KCND2: variants seen among roughly 807,000 people sequenced by gnomAD.
KCND2 encodes the protein potassium voltage-gated channel subfamily D member 2.
A neutral mutation model predicts 54.4 loss-of-function variants in KCND2; 16 were observed. The observed-to-expected ratio is 0.29, with a 90% CI of 0.20 to 0.45. The LOEUF (loss-of-function observed/expected upper bound fraction) is 0.45, where lower values mean the gene tolerates loss of function less well. Among genes scored for constraint, KCND2 ranks in the 20% least tolerant of loss-of-function variants. KCND2 has a pLI of 1.00. For synonymous variants in KCND2, 317 were observed against 310.7 expected (o/e 1.02, Z -0.21); for missense variants, 486 against 824.2 (o/e 0.59, Z 5.02).
intron 1 of KCND2, among the ~76,000 whole-genome samples, chr7:120,641,165 C>G (rs1007224532): frequency 6.6e-6 from 1 of 152,046 alleles, no homozygotes. Context: ...TCACTTAAGC[C>G]AGCTGCTTAG....
At chr7:120,539,980 G>A (rs1157467368) in intron 1 of KCND2, among the ~76,000 whole-genome samples, 3 of 152,102 alleles carry the variant, frequency 2.0e-5, no homozygotes, top group Non-Finnish European at 4.4e-5. Flanking sequence ...GAGACGAAGA[G>A]GGCTTAAAAT....
chr7:120,532,861 G>T (rs934694977), intron 1 of KCND2, among the ~76,000 whole-genome samples: 2 of 152,006 alleles, frequency 1.3e-5, no homozygotes, highest in African/African-American at 4.8e-5. Context: ...AATATAAAAT[G>T]AAGATATAAG....
intron 1 of KCND2, among the ~76,000 whole-genome samples, chr7:120,425,150 GTTTATA>G (rs1306220184): frequency 6.6e-6 from 1 of 151,886 alleles, no homozygotes; most frequent in African/African-American, 2.4e-5. Flanking sequence ...TCACTGCTAT[GTTTATA>G]TTTATATAAC....
At chr7:120,394,253 A>C (rs1175051277) in intron 1 of KCND2, among the ~76,000 whole-genome samples, 1 of 151,940 alleles carries the variant, frequency 6.6e-6, no homozygotes. Context: ...GGTGGGTAGA[A>C]AACTAGGAAA....
At chr7:120,685,613 T>C (rs1792192623) in intron 1 of KCND2, among the ~76,000 whole-genome samples, 1 of 152,192 alleles carries the variant, frequency 6.6e-6, no homozygotes, top group South Asian at 2.1e-4. Context: ...CTGGCTTTCT[T>C]CAGAATGGCG....
At chr7:120,573,251 C>CT (rs1554369601) in intron 1 of KCND2, among the ~76,000 whole-genome samples, 1 of 151,970 alleles carries the variant, frequency 6.6e-6, no homozygotes, top group Non-Finnish European at 1.5e-5. Context: ...TTACTTTTTT[C>CT]TTTTTTGTGT....
chr7:120,680,591 G>A (rs1308410147), intron 1 of KCND2, among the ~76,000 whole-genome samples: 3 of 152,068 alleles, frequency 2.0e-5, no homozygotes, highest in Non-Finnish European at 2.9e-5. Context: ...CCAGCCACCC[G>A]ATGCATATTG....
chr7:120,459,957 G>A (rs1802260791), intron 1 of KCND2, among the ~76,000 whole-genome samples: 1 of 152,252 alleles, frequency 6.6e-6, no homozygotes, highest in Non-Finnish European at 1.5e-5. Flanking sequence ...AGTGCATCTT[G>A]TACTTGTTTC....
intron 1 of KCND2, among the ~76,000 whole-genome samples, chr7:120,281,060 A>G (rs563765408): frequency 1.4e-3 from 210 of 152,118 alleles, no homozygotes; most frequent in African/African-American, 4.8e-3. Flanking sequence ...GCGGCAAACT[A>G]CTCAATGGTG....
intron 1 of KCND2, among the ~76,000 whole-genome samples, chr7:120,322,833 T>C (rs1404925129): frequency 6.6e-6 from 1 of 152,092 alleles, no homozygotes; most frequent in Admixed American, 6.6e-5. Flanking sequence ...TGTTTAAGGG[T>C]TAGATCAATC....
At chr7:120,328,873 A>G (rs1371160858) in intron 1 of KCND2, among the ~76,000 whole-genome samples, 1 of 152,152 alleles carries the variant, frequency 6.6e-6, no homozygotes, top group Non-Finnish European at 1.5e-5. Context: ...TTTAATAATG[A>G]TGAAACTCAA....
At chr7:120,288,170 A>G (rs928733595) in intron 1 of KCND2, among the ~76,000 whole-genome samples, 4 of 152,154 alleles carry the variant, frequency 2.6e-5, no homozygotes, top group African/African-American at 9.6e-5. Context: ...GGCAGAAGAT[A>G]ATCGACCAAT....
At chr7:120,487,591 G>A (rs1042011851) in intron 1 of KCND2, among the ~76,000 whole-genome samples, 1 of 152,104 alleles carries the variant, frequency 6.6e-6, no homozygotes, top group Non-Finnish European at 1.5e-5. Flanking sequence ...CTGAGGTTTT[G>A]TCTTGTTCTT....
At chr7:120,426,171 CAAAAT>C (rs1801703333) in intron 1 of KCND2, among the ~76,000 whole-genome samples, 1 of 151,890 alleles carries the variant, frequency 6.6e-6, no homozygotes, top group Non-Finnish European at 1.5e-5. Flanking sequence ...AAAGAAGAAA[CAAAAT>C]AAAAATTAAG....
At position 120,552,197 on chromosome 7, in the gene KCND2, G is replaced by A. The variant is rs754946532; in HGVS notation, c.1116-180706G>A. On this transcript the variant is annotated intron_variant, in intron 1 of 5. Coordinates refer to ENST00000331113, the MANE Select transcript of KCND2 (RefSeq NM_012281.3). ...AATATATTAAAATTTCAATCATATT[G>A]TACCACAAGAATTTACAAAAGTTAT... is the stretch of plus-strand genomic sequence containing the variant. Among the ~76,000 whole-genome samples the A allele has an allele frequency of 2.0e-5, 3 of 152,034 alleles. No homozygotes were observed. In the South Asian group the frequency reaches 6.2e-4, roughly 32 times the overall value.
Position 120,601,345 on chromosome 7 carries a change from G to T in KCND2, c.1116-131558G>T, listed in dbSNP as rs969099294. On this transcript the variant is annotated intron_variant, in intron 1 of 5. Transcript: ENST00000331113. ...TAAAAAACTGGGAAGGGAACACAAGGGAGCCAATGAACAATTCTTTATATT... is the reference window on the plus strand; with the variant it reads ...TAAAAAACTGGGAAGGGAACACAAGTGAGCCAATGAACAATTCTTTATATT... Among the ~76,000 whole-genome samples the T allele has an allele frequency of 2.4e-4, 36 of 152,210 alleles. 1 individual carries two copies. Among genetic ancestry groups the T allele is most frequent in the African/African-American group, 8.4e-4 (35 of 41,540 alleles).
At chr7:120,721,983 C>A (rs1438814125) in intron 1 of KCND2, among the ~76,000 whole-genome samples, 1 of 152,256 alleles carries the variant, frequency 6.6e-6, no homozygotes, top group South Asian at 2.1e-4. Flanking sequence ...CGTCACTCTC[C>A]CTTTGCCAGC....
At chr7:120,605,064 C>T (rs1792864289) in intron 1 of KCND2, among the ~76,000 whole-genome samples, 1 of 152,192 alleles carries the variant, frequency 6.6e-6, no homozygotes, top group South Asian at 2.1e-4. Context: ...CACATCAGTA[C>T]ATATAAGTCT....
At chr7:120,282,189 C>T (rs558548929) in intron 1 of KCND2, among the ~76,000 whole-genome samples, 12 of 152,178 alleles carry the variant, frequency 7.9e-5, no homozygotes, top group East Asian at 1.9e-4. Context: ...TATGTAAATA[C>T]GAGTAGCTTA....
Sources: gnomAD v4.1 joint callset for allele counts (sites outside exome capture counted in the v4.1 genomes callset) on GRCh38, gnomAD v4.1.1 for gene constraint, MANE v1.5 for transcripts, NCBI Gene and HGNC (gene_info 2026-07-23, HGNC 2026-07-21) for gene names.